The following MMP28 variants were observed in gnomAD, a reference collection of about 807,000 sequenced individuals.
The protein encoded by MMP28 is matrix metalloproteinase-28.
In MMP28, 55 loss-of-function variants were observed where a neutral mutation model predicts 60.5. The ratio of observed to expected loss-of-function variants is 0.91; its 90% CI spans 0.73 to 1.14. The LOEUF is 1.14. Among genes scored for constraint, MMP28 ranks in the 50% most tolerant of loss-of-function variants. The probability of loss-of-function intolerance (pLI) is 0.00; values close to 1 mark genes in which losing one functional copy is unlikely to be tolerated. For synonymous variants in MMP28, 318 were observed against 312.5 expected, an observed-to-expected ratio of 1.02 and a Z score of -0.18; for missense variants, 686 against 738.3, an observed-to-expected ratio of 0.93 and a Z score of 0.82.
downstream of MMP28, chr17:35,764,101 C>T (rs1555602120): frequency 2.6e-6 from 4 of 1,550,228 alleles, no homozygotes; most frequent in East Asian, 4.9e-5. Context: ...AGGACGAGGA[C>T]GAGGACAACC....
chr17:35,789,144 C>G (rs2086737547), intron 1 of MMP28, among the ~76,000 whole-genome samples: 1 of 152,168 alleles, frequency 6.6e-6, no homozygotes, highest in Non-Finnish European at 1.5e-5. Flanking sequence ...GGACACAGAG[C>G]CATGTACACA....
At chr17:35,783,415 G>C (rs973790759) in intron 1 of MMP28, among the ~76,000 whole-genome samples, 13 of 152,232 alleles carry the variant, frequency 8.5e-5, no homozygotes, top group African/African-American at 3.1e-4. Flanking sequence ...AGGTGCTTCT[G>C]TCTCAGACTT....
intron 4 of MMP28, among the ~76,000 whole-genome samples, chr17:35,770,875 A>T (rs906154195): frequency 6.6e-6 from 1 of 151,786 alleles, no homozygotes; most frequent in African/African-American, 2.4e-5. Flanking sequence ...ACAAAGCAAG[A>T]CCTCATCTCC....
chr17:35,771,816 T>A (rs768673617), intron 4 of MMP28, among the ~76,000 whole-genome samples: 1 of 144,790 alleles, frequency 6.9e-6, no homozygotes, highest in Non-Finnish European at 1.5e-5. Flanking sequence ...CTACTTCTAA[T>A]AGGAATGAGC....
At chr17:35,782,116 A>G (rs942441144) in intron 1 of MMP28, among the ~76,000 whole-genome samples, 1 of 143,090 alleles carries the variant, frequency 7.0e-6, no homozygotes, top group African/African-American at 2.7e-5. Context: ...CAGTGGCGTG[A>G]TCTTGGCTCA....
chr17:35,779,461 T>A, intron 1 of MMP28, 138 bp from the exon 2 acceptor site: 1 of 666,260 alleles, frequency 1.5e-6, no homozygotes, highest in East Asian at 2.7e-5. Context: ...TATAGCAGAA[T>A]GAGTTCTGGG....
downstream of MMP28, chr17:35,764,449 C>A (rs781952915): frequency 1.9e-6 from 3 of 1,553,694 alleles, no homozygotes; most frequent in East Asian, 2.5e-5. Flanking sequence ...CCGGAGGAGC[C>A]GTGCGTGCTG....
chr17:35,770,951 C>A (rs1332226981), intron 4 of MMP28, among the ~76,000 whole-genome samples: 1 of 152,064 alleles, frequency 6.6e-6, no homozygotes, highest in Non-Finnish European at 1.5e-5. Context: ...ACTTGGGAAG[C>A]TGAGGTGGGA....
At position 35,778,988 on chromosome 17, in the gene MMP28, A is replaced by T. The variant is rs764866543; in HGVS notation, c.279T>A (p.Val93=). 6.2e-7 allele frequency: 1 copy of T among 1,614,072 alleles called. No individual in the cohort carries two copies. Among genetic ancestry groups the T allele is most frequent in the East Asian group, 2.2e-5 (1 of 44,888 alleles). ...AGGCCGCATAACTGTTGGTATCTGT[A>T]ACCCCGCAGCGGGGACGAGTCATCT... ...LRQMTRPRCG[V]TDTNSYAAWA... Residue 93 remains valine, a synonymous_variant, in exon 3 of 8, where the codon GTT becomes GTA. Transcript: ENST00000605424.
intron 1 of MMP28, among the ~76,000 whole-genome samples, chr17:35,781,884 G>C (rs541810603): frequency 3.3e-5 from 5 of 151,362 alleles, no homozygotes; most frequent in African/African-American, 1.2e-4. Flanking sequence ...TTTAGAGATG[G>C]GGGTCTCACT....
intron 2 of MMP28, chr17:35,758,200 T>G (rs1281894547): frequency 1.3e-5 from 2 of 152,194 alleles, no homozygotes; most frequent in Non-Finnish European, 2.9e-5. Context: ...TCTTCTGGTT[T>G]CAAACAGTCT....
At chr17:35,784,180 G>C (rs2086583729) in intron 1 of MMP28, among the ~76,000 whole-genome samples, 1 of 151,802 alleles carries the variant, frequency 6.6e-6, no homozygotes, top group Non-Finnish European at 1.5e-5. Context: ...TACTCGGGAG[G>C]CTGAGGCAGG....
intron 4 of MMP28, among the ~76,000 whole-genome samples, chr17:35,770,717 T>TGC (rs1271171540): frequency 8.1e-6 from 1 of 124,160 alleles, no homozygotes; most frequent in Non-Finnish European, 1.8e-5. Flanking sequence ...ATAATAAATG[T>TGC]GTGTGTGTGT....
chr17:35,764,192 TCA>T, downstream of MMP28: 2 of 1,547,990 alleles, frequency 1.3e-6, no homozygotes, highest in Non-Finnish European at 8.7e-7. Context: ...CGAGCGGCGC[TCA>T]GTGTCCTACT....
At chr17:35,770,375 C>A in intron 4 of MMP28, 63 bp from the exon 5 acceptor site, 1 of 1,442,816 alleles carries the variant, frequency 6.9e-7, no homozygotes, top group East Asian at 2.5e-5. Flanking sequence ...TACTCGCGGC[C>A]CAGCGCAAAT....
Position 35,795,183 on chromosome 17 carries a change from A to G in MMP28, c.111+84T>C, listed in dbSNP as rs977853391. The G allele has an allele frequency of 4.7e-6, 4 of 857,084 alleles. No individual in the cohort carries two copies. In the African/African-American group the frequency reaches 7.1e-5, roughly 15 times the overall value. 53.1% of individuals were successfully genotyped at this position (857,084 alleles called of 1,614,324 possible). A position where few individuals can be genotyped will look rare whatever the true frequency, so the allele number is the denominator to read the frequency against. On this transcript the variant is annotated intron_variant, in intron 1 of 7. Coordinates refer to ENST00000605424, the MANE Select transcript of MMP28 (RefSeq NM_024302.5). The stretch of plus-strand genomic sequence containing the variant: ...AGGGTAACGCAGATTGTCTGCTCAC[A>G]GGGGACTGCCGGGTGGCCTGACTGC...
intron 1 of MMP28, among the ~76,000 whole-genome samples, chr17:35,794,840 G>A (rs1297443944): frequency 6.6e-6 from 1 of 152,202 alleles, no homozygotes; most frequent in African/African-American, 2.4e-5. Context: ...CCCCGGCCAG[G>A]AAGCCAGCGC....
chr17:35,766,869 G>T lies in MMP28; in HGVS notation c.1194C>A (p.Gly398=), dbSNP rs1555603621. Residue 398 remains glycine (G), a synonymous_variant, in exon 8 of 8, where the codon GGC becomes GGA. Coordinates refer to ENST00000605424, the MANE Select transcript of MMP28 (RefSeq NM_024302.5). This position sits in a 1 kb window ranked among gnomAD's most constrained non-coding sequence, Gnocchi z 4.3. The part of the protein sequence containing the change: ...FKGGRCWRFR[G]PKPVWGLPQL... ...GTGGGAGACCCCACACTGGCTTGGGGCCCCGGAACCTCCAGCATCGACCCC... is the reference window on the plus strand; with the variant it reads ...GTGGGAGACCCCACACTGGCTTGGGTCCCCGGAACCTCCAGCATCGACCCC... The T allele has an allele frequency of 1.9e-6, 3 of 1,579,698 alleles. No individual in the cohort carries two copies. The highest frequency in any genetic ancestry group is 2.6e-6 in the Non-Finnish European group (3 of 1,163,758).
intron 1 of MMP28, among the ~76,000 whole-genome samples, chr17:35,793,007 C>T (rs1181616869): frequency 6.6e-6 from 1 of 152,058 alleles, no homozygotes; most frequent in Admixed American, 6.6e-5. Context: ...TAACCACATA[C>T]AAAAACACAT....
Sources: allele counts gnomAD v4.1 joint callset (sites outside exome capture counted in the v4.1 genomes callset), GRCh38; gene constraint gnomAD v4.1.1; non-coding constraint Gnocchi (gnomAD v3.1); transcripts MANE v1.5; gene names NCBI Gene and HGNC (gene_info 2026-07-23, HGNC 2026-07-21).